TBC1D22A: variants seen among roughly 807,000 people sequenced by gnomAD.
TBC1D22A encodes the protein TBC1 domain family member 22A.
TBC1D22A carries 38 observed loss-of-function variants against 60.2 expected under a neutral mutation model. That is an observed-to-expected ratio of 0.63 (90% CI 0.49 to 0.83). TBC1D22A has a LOEUF of 0.83. Among genes scored for constraint, TBC1D22A ranks in the 40% least tolerant of loss-of-function variants. The pLI is 0.00. For missense variants in TBC1D22A, 628 were observed against 701.0 expected, an observed-to-expected ratio of 0.90 and a Z score of 1.18; for synonymous variants, 302 against 281.7, an observed-to-expected ratio of 1.07 and a Z score of -0.72.
At chr22:47,010,170 T>C (rs571419349) in intron 10 of TBC1D22A, among the ~76,000 whole-genome samples, 1 of 152,222 alleles carries the variant, frequency 6.6e-6, no homozygotes, top group African/African-American at 2.4e-5. Context: ...AAGGTTAAAA[T>C]TGACTTATTC....
At chr22:46,790,077 A>G (rs1274449606) in intron 1 of TBC1D22A, among the ~76,000 whole-genome samples, 2 of 152,206 alleles carry the variant, frequency 1.3e-5, no homozygotes, top group Admixed American at 6.5e-5. Flanking sequence ...TACAGCAAAC[A>G]TGGTATCCTA....
At chr22:47,053,817 T>C (rs1160124660) in intron 11 of TBC1D22A, among the ~76,000 whole-genome samples, 3 of 152,240 alleles carry the variant, frequency 2.0e-5, no homozygotes, top group South Asian at 2.1e-4. Flanking sequence ...CTCAGACATA[T>C]ACCAGCGCAT....
chr22:47,023,808 C>G lies in TBC1D22A; in HGVS notation c.1202-13263C>G, dbSNP rs531993989. ...ATATAAAAGCTAAAGGAATTCGACA[C>G]CAGGAGACCGGGATACCTGCATGAC... On this transcript the variant is annotated intron_variant, in intron 10 of 12. Transcript: ENST00000337137. Among the ~76,000 whole-genome samples, 13 of 152,226 alleles carry G rather than the reference C, an allele frequency of 8.5e-5. No individual in the cohort carries two copies. In the South Asian group the frequency reaches 2.7e-3, roughly 32 times the overall value.
intron 5 of TBC1D22A, among the ~76,000 whole-genome samples, chr22:46,889,490 T>A (rs1409676264): frequency 2.0e-5 from 3 of 152,184 alleles, no homozygotes; most frequent in Non-Finnish European, 4.4e-5. Flanking sequence ...CCCAATGTTA[T>A]GGCCCAGTAA....
chr22:46,869,235 G>C (rs2067196888), intron 4 of TBC1D22A, among the ~76,000 whole-genome samples: 1 of 152,228 alleles, frequency 6.6e-6, no homozygotes, highest in African/African-American at 2.4e-5. Flanking sequence ...CTCTCCAGCA[G>C]CAGCTCACGG....
chr22:47,087,166 T>G (rs1389818886), intron 11 of TBC1D22A, among the ~76,000 whole-genome samples: 1 of 152,268 alleles, frequency 6.6e-6, no homozygotes, highest in Non-Finnish European at 1.5e-5. Context: ...CATACGCGCA[T>G]GCACACAAAC....
intron 11 of TBC1D22A, among the ~76,000 whole-genome samples, chr22:47,081,836 A>C (rs769745888): frequency 7.2e-5 from 11 of 152,234 alleles, no homozygotes; most frequent in Non-Finnish European, 8.8e-5. Flanking sequence ...ACCATGTTTT[A>C]TGAGTACAAA....
chr22:47,004,776 G>T (rs78717564), intron 10 of TBC1D22A, among the ~76,000 whole-genome samples: 1 of 146,994 alleles, frequency 6.8e-6, no homozygotes, highest in Non-Finnish European at 1.5e-5. Flanking sequence ...ACACTCAGAT[G>T]CCTATATACA....
chr22:46,801,501 C>T (rs573279787), intron 4 of TBC1D22A, among the ~76,000 whole-genome samples: 9 of 152,364 alleles, frequency 5.9e-5, no homozygotes, highest in Admixed American at 2.0e-4. Flanking sequence ...CTTAATAGCT[C>T]ATTTTACTCT....
intron 4 of TBC1D22A, among the ~76,000 whole-genome samples, chr22:46,824,578 A>G (rs988612425): frequency 2.6e-5 from 4 of 152,164 alleles, no homozygotes; most frequent in Non-Finnish European, 4.4e-5. Flanking sequence ...AGCCAGTGGA[A>G]GGTTTGAGCT....
chr22:47,050,055 A>G (rs2063158646), intron 11 of TBC1D22A, among the ~76,000 whole-genome samples: 1 of 150,664 alleles, frequency 6.6e-6, no homozygotes, highest in South Asian at 2.1e-4. Flanking sequence ...CCCAGGCTTG[A>G]GTGCAGTGGC....
rs1044874978 is a variant in TBC1D22A, at chr22:47,170,113, T to G, written c.1426-3385T>G. Among the ~76,000 whole-genome samples, 188 of 152,186 alleles carry G rather than the reference T, an allele frequency of 1.2e-3. 2 individuals carry two copies. The highest frequency in any genetic ancestry group is 1.6e-4 in the Non-Finnish European group (11 of 68,036). On this transcript the variant is annotated intron_variant, in intron 12 of 12. Transcript: ENST00000337137. The stretch of plus-strand genomic sequence containing the variant: ...GCCTTTTTAAAAAAGAAATCTGTAT[T>G]TAAGGATGTGTTTGGCTGTGTTCTT...
At chr22:46,783,007 T>A (rs1419580309) in intron 1 of TBC1D22A, among the ~76,000 whole-genome samples, 1 of 152,228 alleles carries the variant, frequency 6.6e-6, no homozygotes, top group Non-Finnish European at 1.5e-5. Context: ...TAACTCCATG[T>A]AACCTTCTGA....
intron 7 of TBC1D22A, among the ~76,000 whole-genome samples, chr22:46,900,404 C>A (rs2068924244): frequency 6.6e-6 from 1 of 152,154 alleles, no homozygotes; most frequent in African/African-American, 2.4e-5. Flanking sequence ...CCCTCCTTGG[C>A]CTCCCAAGGT....
intron 12 of TBC1D22A, among the ~76,000 whole-genome samples, chr22:47,141,848 A>G (rs1193464935): frequency 2.0e-5 from 3 of 152,224 alleles, no homozygotes; most frequent in Non-Finnish European, 4.4e-5. Context: ...ATCAAATTCC[A>G]CTAGTTCCAA....
chr22:47,159,019 T>C (rs1321805118), intron 12 of TBC1D22A, among the ~76,000 whole-genome samples: 4 of 137,154 alleles, frequency 2.9e-5, no homozygotes, highest in East Asian at 4.6e-4. Flanking sequence ...TCACCATATA[T>C]ACACACACAC....
chr22:47,146,061 G>A (rs568638169), intron 12 of TBC1D22A, among the ~76,000 whole-genome samples: 2 of 151,730 alleles, frequency 1.3e-5, no homozygotes, highest in Admixed American at 6.6e-5. Context: ...TTGCTGGCCT[G>A]TCCCGTGCTG....
chr22:46,909,406 G>A (rs1167831315), intron 7 of TBC1D22A, among the ~76,000 whole-genome samples: 2 of 152,060 alleles, frequency 1.3e-5, no homozygotes, highest in Non-Finnish European at 2.9e-5. Context: ...CAGGGTGCGT[G>A]CTCCTGGGGC....
chr22:46,960,761 A>T (rs2148053722), intron 8 of TBC1D22A, among the ~76,000 whole-genome samples: 1 of 152,180 alleles, frequency 6.6e-6, no homozygotes, highest in South Asian at 2.1e-4. Flanking sequence ...CCTGGCTAAC[A>T]CGGTGAAACG....
Sources: allele counts gnomAD v4.1 joint callset (sites outside exome capture counted in the v4.1 genomes callset), GRCh38; gene constraint gnomAD v4.1.1; transcripts MANE v1.5; gene names NCBI Gene and HGNC (gene_info 2026-07-23, HGNC 2026-07-21).